ITM2B: variants seen among roughly 807,000 people sequenced by gnomAD.
ITM2B encodes integral membrane protein 2B, also known as ABri/ADan amyloid peptide.
In ITM2B, 11 loss-of-function variants were observed where a neutral mutation model predicts 27.8. The observed-to-expected ratio is 0.40, with a 90% CI of 0.25 to 0.66. The LOEUF (loss-of-function observed/expected upper bound fraction) is 0.66. ITM2B is among the 30% of genes least tolerant of loss of function. The pLI is 0.43. For missense variants in ITM2B, 296 were observed against 328.9 expected (o/e 0.90, Z 0.77); for synonymous variants, 114 against 114.3 (o/e 1.00, Z 0.02).
chr13:48,257,933 T>TG (rs1221471812), intron 3 of ITM2B, among the ~76,000 whole-genome samples, 193 bp from the exon 4 acceptor site: 1 of 152,220 alleles, frequency 6.6e-6, no homozygotes, highest in Non-Finnish European at 1.5e-5. Flanking sequence ...TTTTATTTAC[T>TG]GGTAGCAATA....
At chr13:48,246,222 CAGA>C (rs1316341205) in intron 1 of ITM2B, among the ~76,000 whole-genome samples, 1 of 152,144 alleles carries the variant, frequency 6.6e-6, no homozygotes, top group African/African-American at 2.4e-5. Context: ...CTAATATTGA[CAGA>C]AGGTCAGAGG....
intron 1 of ITM2B, among the ~76,000 whole-genome samples, chr13:48,249,264 T>C (rs1400398389): frequency 1.3e-5 from 2 of 152,226 alleles, no homozygotes; most frequent in Non-Finnish European, 2.9e-5. Flanking sequence ...TCTTTTGTGC[T>C]AAACTTCTTT....
chr13:48,240,921 T>G (rs1321321283), intron 1 of ITM2B, among the ~76,000 whole-genome samples: 1 of 152,234 alleles, frequency 6.6e-6, no homozygotes, highest in East Asian at 1.9e-4. Flanking sequence ...TTTTACAATT[T>G]GTTCTCCTTA....
chr13:48,249,404 GTTTGGGGC>G (rs964991103), intron 1 of ITM2B, among the ~76,000 whole-genome samples: 8 of 152,236 alleles, frequency 5.3e-5, no homozygotes, highest in African/African-American at 1.9e-4. Context: ...GTTGTTTCTA[GTTTGGGGC>G]TAGTATATAA....
Position 48,265,175 on chromosome 13 carries a change from C to T in ITM2B, c.*3951C>T, listed in dbSNP as rs1191599343. The T allele has an allele frequency of 1.3e-5, 2 of 152,018 alleles. No individual in the cohort carries two copies. Among genetic ancestry groups the T allele is most frequent in the African/African-American group, 2.4e-5 (1 of 41,298 alleles). 9.4% of individuals were successfully genotyped at this position (152,018 alleles called of 1,614,324 possible). A position where few individuals can be genotyped will look rare whatever the true frequency, so the allele number is the denominator to read the frequency against. On this transcript the variant is annotated 3_prime_UTR_variant, in exon 6 of 6. Coordinates refer to ENST00000647800, the MANE Select transcript of ITM2B (RefSeq NM_021999.5). ...TTCATTGTAAAAATATCAAATAATA[C>T]AGTTTTTGAAGGTAAAAAGTAAATG...
Position 48,258,253 on chromosome 13 carries a change from T to G in ITM2B, c.564+17T>G. The G allele has an allele frequency of 8.3e-7, 1 of 1,200,432 alleles. No homozygotes were observed. Among genetic ancestry groups the G allele is most frequent in the Non-Finnish European group, 1.2e-6 (1 of 802,730 alleles). 74.4% of individuals were successfully genotyped at this position (1,200,432 alleles called of 1,614,324 possible). A position where few individuals can be genotyped will look rare whatever the true frequency, so the allele number is the denominator to read the frequency against. On this transcript the variant is annotated intron_variant, in intron 4 of 5. Transcript: ENST00000647800. ...AACATCAAGGTATAAGAATGTTGAC[T>G]GTTTTTGATGAATGATGCCTTCATA...
In ITM2B at chr13:48,263,355, A is replaced by T. The variant is rs1368174801; in HGVS notation, c.*2131A>T. 6.6e-6 allele frequency: 1 copy of T among 152,124 alleles called. No homozygotes were observed. The highest frequency in any genetic ancestry group is 1.9e-4 in the East Asian group (1 of 5,190). 9.4% of individuals were successfully genotyped at this position (152,124 alleles called of 1,614,324 possible). A position where few individuals can be genotyped will look rare whatever the true frequency, so the allele number is the denominator to read the frequency against. On this transcript the variant is annotated 3_prime_UTR_variant, in exon 6 of 6. Transcript: ENST00000647800. Reference sequence around the variant, plus strand: ...CATGTCCCAGGAATTTTGGAACTCCAACTGAGATTTCAGGCTCATTATTCA... The same window carrying T: ...CATGTCCCAGGAATTTTGGAACTCCTACTGAGATTTCAGGCTCATTATTCA...
At chr13:48,253,665 G>T in intron 1 of ITM2B, 143 bp from the exon 2 acceptor site, 1 of 812,462 alleles carries the variant, frequency 1.2e-6, no homozygotes, top group Non-Finnish European at 2.1e-6. Flanking sequence ...ATCATTCCTG[G>T]GTTGATTTTG....
intron 1 of ITM2B, among the ~76,000 whole-genome samples, chr13:48,249,513 T>C (rs1206385560): frequency 1.3e-5 from 2 of 152,346 alleles, no homozygotes; most frequent in Admixed American, 6.5e-5. Context: ...CTCTAATTAG[T>C]TTAAATAATT....
At chr13:48,258,410 A>G (rs1951802386) in intron 4 of ITM2B, among the ~76,000 whole-genome samples, 174 bp downstream of exon 4, 1 of 152,252 alleles carries the variant, frequency 6.6e-6, no homozygotes, top group South Asian at 2.1e-4. Flanking sequence ...TGAAATTGAA[A>G]TAAATTTCTC....
chr13:48,253,617 C>T (rs575922829), intron 1 of ITM2B, among the ~76,000 whole-genome samples, 191 bp from the exon 2 acceptor site: 1 of 152,218 alleles, frequency 6.6e-6, no homozygotes, highest in South Asian at 2.1e-4. Context: ...ATGTCCCAGT[C>T]CAAGAACCAT....
intron 1 of ITM2B, among the ~76,000 whole-genome samples, chr13:48,251,466 G>A (rs774014778): frequency 1.3e-5 from 2 of 151,956 alleles, no homozygotes. Context: ...TCTCTTTCTT[G>A]GCAGAGCATA....
chr13:48,243,746 G>A (rs886301559), intron 1 of ITM2B, among the ~76,000 whole-genome samples: 3 of 152,086 alleles, frequency 2.0e-5, no homozygotes, highest in African/African-American at 7.2e-5. Flanking sequence ...GAGCCCAGGA[G>A]GTTGAGGCTG....
Position 48,268,966 on chromosome 13 carries a change from C to G in ITM2B, c.*7742C>G, listed in dbSNP as rs1248352181. On this transcript the variant is annotated 3_prime_UTR_variant, in exon 6 of 6. Transcript: ENST00000647800. ...TAACCAAATATGTAATGTATCCCTT[C>G]AAGTAAACTAGTATAACTTGGGTAC... The G allele has an allele frequency of 6.6e-6, 1 of 152,178 alleles. No individual in the cohort carries two copies. Among genetic ancestry groups the G allele is most frequent in the Non-Finnish European group, 1.5e-5 (1 of 68,034 alleles). The allele number at this position is 152,178 out of a possible 1,614,324, so 9.4% of individuals were successfully genotyped here.
intron 4 of ITM2B, 152 bp from the exon 5 acceptor site, chr13:48,258,645 G>T: frequency 1.4e-6 from 1 of 727,708 alleles, no homozygotes; most frequent in Non-Finnish European, 2.4e-6. Context: ...GACCAGCCTG[G>T]ACAACATAGT....
At position 48,264,727 on chromosome 13, in the gene ITM2B, A is replaced by T. The variant is rs575256839; in HGVS notation, c.*3503A>T. The T allele has an allele frequency of 6.6e-6, 1 of 152,304 alleles. No individual in the cohort carries two copies. The highest frequency in any genetic ancestry group is 2.1e-4 in the South Asian group (1 of 4,824). The allele number at this position is 152,304 out of a possible 1,614,324, so 9.4% of individuals were successfully genotyped here. A position where few individuals can be genotyped will look rare whatever the true frequency, so the allele number is the denominator to read the frequency against. Reference sequence around the variant, plus strand: ...TTCATTTCCACAAAGCTACACAGCCATCAGTTCGTTCAATATCTTGTCCAA... The same window carrying T: ...TTCATTTCCACAAAGCTACACAGCCTTCAGTTCGTTCAATATCTTGTCCAA... On this transcript the variant is annotated 3_prime_UTR_variant, in exon 6 of 6. Coordinates refer to ENST00000647800, the MANE Select transcript of ITM2B (RefSeq NM_021999.5).
Position 48,268,542 on chromosome 13 carries a change from C to T in ITM2B, c.*7318C>T, listed in dbSNP as rs1262144112. 1 of 152,092 alleles carries T rather than the reference C, an allele frequency of 6.6e-6. No homozygotes were observed. Among genetic ancestry groups the T allele is most frequent in the Admixed American group, 6.6e-5 (1 of 15,250 alleles). 9.4% of individuals were successfully genotyped at this position (152,092 alleles called of 1,614,324 possible). The stretch of plus-strand genomic sequence containing the variant: ...CAGGCTGGTCTCGAACTCCTGGGCT[C>T]AAAGCAATCCACCCTCCTCGGCCTC... On this transcript the variant is annotated 3_prime_UTR_variant, in exon 6 of 6. Transcript: ENST00000647800.
intron 1 of ITM2B, among the ~76,000 whole-genome samples, chr13:48,233,687 TCGGGG>T (rs1951650424): frequency 2.0e-5 from 3 of 151,518 alleles, no homozygotes; most frequent in African/African-American, 7.3e-5. Context: ...TGACGCGGGG[TCGGGG>T]GCTTGGGAGG....
intron 2 of ITM2B, 114 bp downstream of exon 2, chr13:48,254,050 T>C: frequency 9.9e-7 from 1 of 1,009,034 alleles, no homozygotes; most frequent in Non-Finnish European, 1.5e-6. Context: ...ATCTGTGACC[T>C]TCAGCCAGAG....
Sources: gnomAD v4.1 joint callset for allele counts (sites outside exome capture counted in the v4.1 genomes callset) on GRCh38, gnomAD v4.1.1 for gene constraint, MANE v1.5 for transcripts, NCBI Gene and HGNC (gene_info 2026-07-23, HGNC 2026-07-21) for gene names.